RPS6KA5: variants seen among roughly 807,000 people sequenced by gnomAD.
RPS6KA5 encodes the protein ribosomal protein S6 kinase alpha-5.
RPS6KA5 carries 27 observed loss-of-function variants against 85.5 expected under a neutral mutation model. The ratio of observed to expected loss-of-function variants is 0.32; its 90% CI spans 0.23 to 0.44. The LOEUF (loss-of-function observed/expected upper bound fraction) is 0.44, where lower values mean the gene tolerates loss of function less well. Among genes scored for constraint, RPS6KA5 ranks in the 20% least tolerant of loss-of-function variants. The pLI is 1.00. For synonymous variants in RPS6KA5, 334 were observed against 348.2 expected (o/e 0.96, Z 0.46); for missense variants, 811 against 980.9 (o/e 0.83, Z 2.31).
chr14:90,925,090 G>A (rs915541333), intron 5 of RPS6KA5, among the ~76,000 whole-genome samples: 3 of 152,276 alleles, frequency 2.0e-5, no homozygotes, highest in Admixed American at 2.0e-4. Flanking sequence ...AATCGCCAAA[G>A]ACCGGGCTCA....
At chr14:90,888,974 A>G (rs148868076) in intron 14 of RPS6KA5, among the ~76,000 whole-genome samples, 1 of 152,322 alleles carries the variant, frequency 6.6e-6, no homozygotes, top group East Asian at 1.9e-4. Context: ...TCCCCATAGG[A>G]AAATGGGCAA....
intron 1 of RPS6KA5, among the ~76,000 whole-genome samples, chr14:91,029,617 T>C (rs1034979862): frequency 6.6e-6 from 1 of 152,228 alleles, no homozygotes; most frequent in Non-Finnish European, 1.5e-5. Flanking sequence ...TGCCTCTCTG[T>C]ACCCTCATCT....
At chr14:91,001,039 A>T in intron 2 of RPS6KA5, 49 bp downstream of exon 2, 1 of 1,054,212 alleles carries the variant, frequency 9.5e-7, no homozygotes, top group Non-Finnish European at 1.4e-6. Flanking sequence ...CATCATAGGA[A>T]TAATAAGTAC....
At chr14:90,912,304 C>T (rs973970235) in intron 7 of RPS6KA5, among the ~76,000 whole-genome samples, 1 of 152,074 alleles carries the variant, frequency 6.6e-6, no homozygotes, top group African/African-American at 2.4e-5. Context: ...CCCTGCAGTC[C>T]GTGGGCCAGT....
At chr14:90,906,105 A>G in intron 8 of RPS6KA5, 44 bp downstream of exon 8, 4 of 1,512,470 alleles carry the variant, frequency 2.6e-6, no homozygotes, top group Non-Finnish European at 3.6e-6. Flanking sequence ...GGACCCTGAA[A>G]ACGGCAAGGA....
At chr14:90,887,649 G>A (rs1251836180) in intron 14 of RPS6KA5, among the ~76,000 whole-genome samples, 1 of 151,918 alleles carries the variant, frequency 6.6e-6, no homozygotes, top group East Asian at 1.9e-4. Flanking sequence ...CATTTAATTT[G>A]AATTTAATAA....
Position 90,855,212 on chromosome 14 carries a change from A to G in RPS6KA5, c.*16862T>C, listed in dbSNP as rs1008754808. 1.3e-5 allele frequency: 2 copies of G among 152,232 alleles called. No individual in the cohort carries two copies. The highest frequency in any genetic ancestry group is 4.8e-5 in the African/African-American group (2 of 41,462). 9.4% of individuals were successfully genotyped at this position (152,232 alleles called of 1,614,324 possible). A position where few individuals can be genotyped will look rare whatever the true frequency, so the allele number is the denominator to read the frequency against. ...AGACATAGCTTCTGACTACTTAGTA[A>G]AATGGCAAAATCATGAATGGCATTA... On this transcript the variant is annotated 3_prime_UTR_variant, in exon 17 of 17. Transcript: ENST00000614987.
intron 1 of RPS6KA5, chr14:91,052,285 T>TAAAAAAAAAA (rs57523052): frequency 1.9e-5 from 4 of 213,038 alleles, no homozygotes; most frequent in Non-Finnish European, 3.2e-5. Flanking sequence ...CCATCTCTAC[T>TAAAAAAAAAA]AAAAAAAAAA....
chr14:90,934,370 A>G (rs2037150890), intron 5 of RPS6KA5, among the ~76,000 whole-genome samples: 1 of 152,224 alleles, frequency 6.6e-6, no homozygotes, highest in African/African-American at 2.4e-5. Context: ...GAAAATATAA[A>G]CATTTATTAT....
At chr14:91,037,699 C>G (rs2042458024) in intron 1 of RPS6KA5, among the ~76,000 whole-genome samples, 1 of 152,160 alleles carries the variant, frequency 6.6e-6, no homozygotes. Context: ...ATAGGTCATA[C>G]TCATGTCCAA....
chr14:90,972,718 C>T (rs926659272), intron 3 of RPS6KA5, among the ~76,000 whole-genome samples: 1 of 152,134 alleles, frequency 6.6e-6, no homozygotes, highest in Non-Finnish European at 1.5e-5. Flanking sequence ...GACTCAAAAT[C>T]ACAAGCCATA....
intron 7 of RPS6KA5, among the ~76,000 whole-genome samples, chr14:90,907,921 A>G (rs1267661455): frequency 6.6e-6 from 1 of 152,222 alleles, no homozygotes; most frequent in Non-Finnish European, 1.5e-5. Context: ...TTTGCAGGAA[A>G]AAAGCTTTGC....
At chr14:90,995,824 A>G (rs988026516) in intron 2 of RPS6KA5, among the ~76,000 whole-genome samples, 2 of 152,172 alleles carry the variant, frequency 1.3e-5, no homozygotes, top group African/African-American at 2.4e-5. Flanking sequence ...TCATGCCTGT[A>G]ATCCCAGCAC....
At chr14:90,914,144 G>C (rs903599579) in intron 7 of RPS6KA5, among the ~76,000 whole-genome samples, 1 of 151,868 alleles carries the variant, frequency 6.6e-6, no homozygotes, top group African/African-American at 2.4e-5. Context: ...GAACTGGCTG[G>C]GGTGGTGCAC....
intron 3 of RPS6KA5, among the ~76,000 whole-genome samples, chr14:90,970,747 T>G (rs1191521567): frequency 6.6e-6 from 1 of 152,146 alleles, no homozygotes; most frequent in Non-Finnish European, 1.5e-5. Flanking sequence ...TTTTTATATC[T>G]CTTGTTGTAA....
chr14:90,904,456 C>A (rs2035389563), intron 8 of RPS6KA5, among the ~76,000 whole-genome samples: 1 of 152,126 alleles, frequency 6.6e-6, no homozygotes, highest in Non-Finnish European at 1.5e-5. Flanking sequence ...TAAGAAATAA[C>A]CTTTTCACCC....
At position 90,851,729 on chromosome 14, in the gene RPS6KA5, T is replaced by C. The variant is rs544603406; in HGVS notation, c.*20345A>G. ...CTCTTTGGGTAACCTTGTTTTCTTC[T>C]AGAGGATGAAGGTATTTCTCTTTAG... On this transcript the variant is annotated 3_prime_UTR_variant, in exon 17 of 17. Coordinates refer to ENST00000614987, the MANE Select transcript of RPS6KA5 (RefSeq NM_004755.4). The C allele has an allele frequency of 2.0e-5, 3 of 152,348 alleles. No individual in the cohort carries two copies. Among genetic ancestry groups the C allele is most frequent in the African/African-American group, 7.2e-5 (3 of 41,574 alleles). The allele number at this position is 152,348 out of a possible 1,614,324, so 9.4% of individuals were successfully genotyped here.
At chr14:91,016,988 C>G (rs555165780) in intron 1 of RPS6KA5, among the ~76,000 whole-genome samples, 23 of 152,040 alleles carry the variant, frequency 1.5e-4, no homozygotes, top group Admixed American at 1.4e-3. Flanking sequence ...TCTGTGGATA[C>G]CAGCCAGTCT....
intron 11 of RPS6KA5, 71 bp from the exon 12 acceptor site, chr14:90,899,493 T>A: frequency 3.0e-6 from 3 of 987,416 alleles, no homozygotes; most frequent in Non-Finnish European, 4.8e-6. Flanking sequence ...GCCCCAAGAC[T>A]AATTTTGTCT....
Sources: gnomAD v4.1 joint callset for allele counts (sites outside exome capture counted in the v4.1 genomes callset) on GRCh38, gnomAD v4.1.1 for gene constraint, MANE v1.5 for transcripts, NCBI Gene and HGNC (gene_info 2026-07-23, HGNC 2026-07-21) for gene names.